The following FMO2 variants were observed in gnomAD, a reference collection of about 807,000 sequenced individuals.
FMO2 encodes flavin containing dimethylaniline monoxygenase 2, also known as flavin-containing monooxygenase 2.
A neutral mutation model predicts 41.6 loss-of-function variants in FMO2; 33 were observed. The ratio of observed to expected loss-of-function variants is 0.79; its 90% CI spans 0.60 to 1.06. FMO2 has a LOEUF of 1.06. FMO2 is among the 50% of genes least tolerant of loss of function. FMO2 has a pLI of 0.00. For missense variants in FMO2, 619 were observed against 632.9 expected, an observed-to-expected ratio of 0.98 and a Z score of 0.23; for synonymous variants, 214 against 219.6, an observed-to-expected ratio of 0.97 and a Z score of 0.23.
chr1:171,199,421 T>A lies in FMO2; in HGVS notation c.560T>A (p.Ile187Asn), dbSNP rs776352678. The A allele has an allele frequency of 5.0e-6, 8 of 1,612,678 alleles. No individual in the cohort carries two copies. In the South Asian group the frequency reaches 7.7e-5, roughly 16 times the overall value. Reference sequence around the variant, plus strand: ...CCAGATGGATTTGAGGGAAAACGCATCCTGGTGATTGGAATGGGAAACTCA... The same window carrying A: ...CCAGATGGATTTGAGGGAAAACGCAACCTGGTGATTGGAATGGGAAACTCA... ...KHPDGFEGKRILVIGMGNSGS... is the reference protein window; with the variant it reads ...KHPDGFEGKRNLVIGMGNSGS... Residue 187 changes from isoleucine (I) to asparagine (N), a missense_variant, in exon 5 of 9, where the codon ATC (isoleucine) becomes AAC (asparagine). Coordinates refer to ENST00000209929, the MANE Select transcript of FMO2 (RefSeq NM_001460.5).
At chr1:171,187,767 A>G (rs1157362711) in intron 2 of FMO2, among the ~76,000 whole-genome samples, 2 of 152,258 alleles carry the variant, frequency 1.3e-5, no homozygotes, top group East Asian at 1.9e-4. Flanking sequence ...ATTGTTACAC[A>G]AACACCTAAT....
At chr1:171,194,756 C>G (rs1658233339) in intron 3 of FMO2, among the ~76,000 whole-genome samples, 1 of 152,138 alleles carries the variant, frequency 6.6e-6, no homozygotes, top group African/African-American at 2.4e-5. Context: ...GAGACCCTGT[C>G]TCAAAGTAAA....
chr1:171,199,321 G>C (rs1658433342), intron 4 of FMO2, 25 bp from the exon 5 acceptor site: 13 of 1,543,860 alleles, frequency 8.4e-6, no homozygotes, highest in Non-Finnish European at 1.1e-5. Flanking sequence ...GGAGCTCACA[G>C]ACTTCTCTCT....
chr1:171,185,668 G>T, intron 1 of FMO2, 40 bp from the exon 2 acceptor site: 2 of 1,608,092 alleles, frequency 1.2e-6, no homozygotes, highest in Admixed American at 3.3e-5. Context: ...CTTACCGGTT[G>T]TCCCAGTTAA....
chr1:171,206,645 T>C (rs536572511), intron 7 of FMO2, among the ~76,000 whole-genome samples: 1 of 152,288 alleles, frequency 6.6e-6, no homozygotes, highest in Non-Finnish European at 1.5e-5. Context: ...GGAATCTGCA[T>C]TTTAGAAAGC....
At chr1:171,189,452 A>T (rs556461098) in intron 2 of FMO2, among the ~76,000 whole-genome samples, 1 of 152,046 alleles carries the variant, frequency 6.6e-6, no homozygotes, top group Non-Finnish European at 1.5e-5. Context: ...AGCAGCAGAA[A>T]AAAAGTGGTA....
chr1:171,198,937 C>G (rs1658412530), intron 4 of FMO2, among the ~76,000 whole-genome samples: 1 of 152,020 alleles, frequency 6.6e-6, no homozygotes, highest in Non-Finnish European at 1.5e-5. Context: ...CAGTCTCACT[C>G]TGTCACCCAG....
In FMO2 at chr1:171,185,785, G is replaced by T; in HGVS notation, c.72G>T (p.Glu24Asp). The part of the protein sequence containing the change: ...GLISLKCCVD[E>D]GLEPTCFERT... Reference sequence around the variant, plus strand: ...TTTCTCTGAAGTGCTGTGTGGATGAGGGACTTGAGCCCACTTGCTTTGAGA... The same window carrying T: ...TTTCTCTGAAGTGCTGTGTGGATGATGGACTTGAGCCCACTTGCTTTGAGA... Residue 24 changes from glutamate (E) to aspartate (D), a missense_variant, in exon 2 of 9, where the codon GAG (glutamate) becomes GAT (aspartate). By Grantham distance (45) the Glu-to-Asp change is conservative. Coordinates refer to ENST00000209929, the MANE Select transcript of FMO2 (RefSeq NM_001460.5). 2 of 1,613,852 alleles carry T rather than the reference G, an allele frequency of 1.2e-6. No homozygotes were observed. The highest frequency in any genetic ancestry group is 4.5e-5 in the East Asian group (2 of 44,878).
chr1:171,191,860 C>CA (rs61114452), intron 2 of FMO2, among the ~76,000 whole-genome samples: 2,333 of 73,728 alleles, frequency 0.032, 42 homozygotes, highest in African/African-American at 0.052. Context: ...CTCATCTCTA[C>CA]AAAAAAAAAA....
intron 7 of FMO2, among the ~76,000 whole-genome samples, chr1:171,207,224 T>C (rs1162610675): frequency 2.0e-5 from 3 of 152,188 alleles, no homozygotes; most frequent in African/African-American, 7.2e-5. Context: ...AATCTTTCCC[T>C]ATCTCTACTG....
At chr1:171,205,919 G>A (rs575711816) in intron 7 of FMO2, among the ~76,000 whole-genome samples, 3 of 152,244 alleles carry the variant, frequency 2.0e-5, no homozygotes, top group Admixed American at 2.0e-4. Context: ...TCTTTGAATC[G>A]TGAGAGATAA....
At chr1:171,187,444 T>A (rs1220370291) in intron 2 of FMO2, among the ~76,000 whole-genome samples, 3 of 152,086 alleles carry the variant, frequency 2.0e-5, no homozygotes, top group Admixed American at 1.3e-4. Context: ...CCAACAGCGA[T>A]CTTTTTTAAC....
intron 4 of FMO2, 40 bp downstream of exon 4, chr1:171,196,851 T>C: frequency 6.3e-7 from 1 of 1,586,856 alleles, no homozygotes; most frequent in South Asian, 1.1e-5. Flanking sequence ...GGAGTAGGTT[T>C]CCAGGTACTT....
At chr1:171,207,208 TG>T (rs1373651227) in intron 7 of FMO2, among the ~76,000 whole-genome samples, 3 of 152,150 alleles carry the variant, frequency 2.0e-5, no homozygotes, top group Non-Finnish European at 4.4e-5. Flanking sequence ...TAATAACTTC[TG>T]CATCAATCTT....
At chr1:171,190,198 G>C (rs1359338311) in intron 2 of FMO2, among the ~76,000 whole-genome samples, 1 of 152,012 alleles carries the variant, frequency 6.6e-6, no homozygotes, top group Non-Finnish European at 1.5e-5. Flanking sequence ...TAAACTTACT[G>C]TTTACAACCT....
Position 171,205,338 on chromosome 1 carries a change from C to T in FMO2, c.887C>T (p.Ala296Val). 1.2e-6 allele frequency: 2 copies of T among 1,613,664 alleles called. No individual in the cohort carries two copies. The highest frequency in any genetic ancestry group is 1.7e-6 in the Non-Finnish European group (2 of 1,179,720). ...DDVPSRLLCGAIKVKSTVKEL... is the reference protein window; with the variant it reads ...DDVPSRLLCGVIKVKSTVKEL... ...GTCCCAAGTCGTCTACTCTGTGGAG[C>T]CATCAAGGTGAAATCTACAGTGAAA... The change falls in exon 7 of 9, where the codon GCC becomes GTC. Residue 296 changes from alanine (A) to valine (V), a missense_variant. Physicochemically the swap from Ala to Val is moderately conservative, Grantham distance 64. Transcript: ENST00000209929.
At chr1:171,208,488 A>G (rs1658852023) in intron 8 of FMO2, among the ~76,000 whole-genome samples, 1 of 152,226 alleles carries the variant, frequency 6.6e-6, no homozygotes, top group Non-Finnish European at 1.5e-5. Flanking sequence ...GAATTCCTGC[A>G]GCCGCCCTGG....
rs1224002329 is a variant in FMO2 at position 171,208,008 on chromosome 1, AAAGAT to A, written c.1256+223_1256+227del. On this transcript the variant is annotated intron_variant, in intron 8 of 8. Transcript: ENST00000209929. ...ATACTAGGTTAAGAACCAAATACTTAAAGATAAGAATTGTACCAAATCAGAGCACT... is the reference window on the plus strand; with the variant it reads ...ATACTAGGTTAAGAACCAAATACTTAAAGAATTGTACCAAATCAGAGCACT... 9.9e-5 allele frequency among the ~76,000 whole-genome samples: 15 copies of A among 152,222 alleles called. 1 individual carries two copies. Among genetic ancestry groups the A allele is most frequent in the Admixed American group, 9.2e-4 (14 of 15,284 alleles).
chr1:171,199,623 A>T, intron 5 of FMO2, 135 bp downstream of exon 5: 1 of 790,274 alleles, frequency 1.3e-6, no homozygotes, highest in Non-Finnish European at 1.9e-6. Flanking sequence ...CATCATAGAA[A>T]ATCTGGAAGT....
Sources: gnomAD v4.1 joint callset for allele counts (sites outside exome capture counted in the v4.1 genomes callset) on GRCh38, gnomAD v4.1.1 for gene constraint, MANE v1.5 for transcripts, NCBI Gene and HGNC (gene_info 2026-07-23, HGNC 2026-07-21) for gene names.